The following SMAP1 variants were observed in gnomAD, a reference collection of about 807,000 sequenced individuals.
The protein encoded by SMAP1 is small ArfGAP 1, also known as stromal membrane-associated protein 1.
A neutral mutation model predicts 58.5 loss-of-function variants in SMAP1; 24 were observed. That is an observed-to-expected ratio of 0.41 (90% confidence interval 0.30 to 0.58). The LOEUF (loss-of-function observed/expected upper bound fraction) is 0.58, where lower values mean the gene tolerates loss of function less well. SMAP1 is among the 20% of genes least tolerant of loss of function. SMAP1 has a pLI of 0.29. For missense variants in SMAP1, 563 were observed against 566.3 expected (o/e 0.99, Z 0.06); for synonymous variants, 216 against 196.6 (o/e 1.10, Z -0.82).
chr6:70,849,655 A>G (rs1201316369), intron 7 of SMAP1, among the ~76,000 whole-genome samples: 1 of 152,170 alleles, frequency 6.6e-6, no homozygotes, highest in Non-Finnish European at 1.5e-5. Flanking sequence ...CAAATCCCCT[A>G]CCTACACATA....
chr6:70,800,665 C>A (rs1768802559), intron 6 of SMAP1, among the ~76,000 whole-genome samples: 1 of 151,496 alleles, frequency 6.6e-6, no homozygotes, highest in Non-Finnish European at 1.5e-5. Flanking sequence ...GTCCCTCCCC[C>A]AGCCCCCCAC....
chr6:70,822,550 A>C (rs1320712063), intron 6 of SMAP1, among the ~76,000 whole-genome samples: 1 of 152,176 alleles, frequency 6.6e-6, no homozygotes, highest in Non-Finnish European at 1.5e-5. Context: ...GGAAAGAAGC[A>C]AGAAAAGGTA....
At chr6:70,854,453 C>G (rs1228140365) in intron 8 of SMAP1, among the ~76,000 whole-genome samples, 2 of 152,096 alleles carry the variant, frequency 1.3e-5, no homozygotes, top group Non-Finnish European at 2.9e-5. Context: ...GAAACCCCAT[C>G]TCTCCTTAAA....
intron 2 of SMAP1, among the ~76,000 whole-genome samples, chr6:70,733,794 G>C (rs1765517513): frequency 1.3e-5 from 2 of 152,124 alleles, no homozygotes. Context: ...CTTTTTTAAT[G>C]GCTTATTTCA....
At chr6:70,837,064 A>C in intron 7 of SMAP1, 36 bp downstream of exon 7, 2 of 1,456,914 alleles carry the variant, frequency 1.4e-6, no homozygotes, top group Non-Finnish European at 1.8e-6. Context: ...TGCTGGAGTT[A>C]CAAAACAATT....
chr6:70,852,723 C>T, intron 8 of SMAP1, 59 bp downstream of exon 8: 1 of 1,438,614 alleles, frequency 7.0e-7, no homozygotes, highest in Non-Finnish European at 9.2e-7. Flanking sequence ...TGAAAAGTTT[C>T]AAAATTTCAA....
chr6:70,794,883 G>C (rs1768535282), intron 5 of SMAP1, among the ~76,000 whole-genome samples: 1 of 151,256 alleles, frequency 6.6e-6, no homozygotes, highest in Non-Finnish European at 1.5e-5. Flanking sequence ...CTGCCTCCCG[G>C]GTTCACGCCA....
Position 70,692,383 on chromosome 6 carries a change from G to A in SMAP1, c.118+24242G>A, listed in dbSNP as rs543742565. On this transcript the variant is annotated intron_variant, in intron 1 of 10. Transcript: ENST00000370455. The stretch of plus-strand genomic sequence containing the variant: ...TGTAAATATCTTATCTTATTTTGTG[G>A]GTTGTCTCTTCACTTTGTTGTTTCC... Among the ~76,000 whole-genome samples the A allele has an allele frequency of 7.9e-5, 12 of 152,040 alleles. No individual in the cohort carries two copies. The South Asian group carries it at 2.3e-3, about 29-fold the overall frequency.
At chr6:70,808,706 G>A (rs111902037) in intron 6 of SMAP1, among the ~76,000 whole-genome samples, 2,613 of 152,240 alleles carry the variant, frequency 0.017, 73 homozygotes, top group African/African-American at 0.059. Flanking sequence ...TCATCTAACA[G>A]TATCCTTAAA....
Position 70,860,333 on chromosome 6 carries a change from G to GA in SMAP1, c.*3dup, listed in dbSNP as rs751371401. The GA allele has an allele frequency of 1.2e-6, 2 of 1,604,604 alleles. No homozygotes were observed. The highest frequency in any genetic ancestry group is 1.7e-5 in the Admixed American group (1 of 57,434). ...ACTCTCAGCACACAACTGTGGAAAT[G>GA]AAAACTGCAATACAAGTTTCATCCA... is the stretch of plus-strand genomic sequence containing the variant. ...GQTLSTQLWK[*] is the part of the protein sequence containing the mutation. The change falls in exon 11 of 11, where the codon TGA becomes TGAA. Residue 468 remains the stop codon, a frameshift_variant and stop_retained_variant. Transcript: ENST00000370455. LOFTEE classifies it high-confidence loss of function.
At chr6:70,682,625 G>T (rs1406575872) in intron 1 of SMAP1, among the ~76,000 whole-genome samples, 2 of 152,014 alleles carry the variant, frequency 1.3e-5, no homozygotes, top group Non-Finnish European at 2.9e-5. Flanking sequence ...CTTTGTGTGC[G>T]CACTTTTTTT....
chr6:70,758,153 A>C (rs1205977241), intron 3 of SMAP1, among the ~76,000 whole-genome samples: 2 of 150,598 alleles, frequency 1.3e-5, no homozygotes, highest in African/African-American at 4.9e-5. Flanking sequence ...GGATTAAGAA[A>C]ATGTGGCACA....
Position 70,861,080 on chromosome 6 carries a change from T to G in SMAP1, c.*746T>G, listed in dbSNP as rs1771703187. 1 of 192,258 alleles carries G rather than the reference T, an allele frequency of 5.2e-6. No individual in the cohort carries two copies. The highest frequency in any genetic ancestry group is 2.3e-5 in the African/African-American group (1 of 43,262). The allele number at this position is 192,258 out of a possible 1,614,324, so 11.9% of individuals were successfully genotyped here. On this transcript the variant is annotated 3_prime_UTR_variant, in exon 11 of 11. Transcript: ENST00000370455. ...AATCTTCAATCCTTGAAGGTATATC[T>G]AGGTTTATGACAGTAATTGTGTTTA...
In SMAP1 at chr6:70,768,704, C is replaced by G. The variant is rs889070501; in HGVS notation, c.339-4646C>G. ...TGTTGATCTTTTCAAAAAACCAGCT[C>G]CTGGATTCATTGATTTTTTGAAGGG... is the stretch of plus-strand genomic sequence containing the variant. On this transcript the variant is annotated intron_variant, in intron 3 of 10. Coordinates refer to ENST00000370455, the MANE Select transcript of SMAP1 (RefSeq NM_001044305.3). Among the ~76,000 whole-genome samples the G allele has an allele frequency of 3.3e-5, 5 of 151,798 alleles. No individual in the cohort carries two copies. In the South Asian group the frequency reaches 6.2e-4, roughly 19 times the overall value.
chr6:70,702,902 G>T (rs1767692790), intron 1 of SMAP1, among the ~76,000 whole-genome samples: 1 of 152,038 alleles, frequency 6.6e-6, no homozygotes, highest in Admixed American at 6.5e-5. Context: ...AAAGTGCTGG[G>T]ATTACAGGCA....
chr6:70,765,740 T>C (rs562207432), intron 3 of SMAP1, among the ~76,000 whole-genome samples: 1 of 152,106 alleles, frequency 6.6e-6, no homozygotes, highest in Admixed American at 6.5e-5. Context: ...ATTTTTTATT[T>C]ATTTTTATTT....
intron 1 of SMAP1, among the ~76,000 whole-genome samples, chr6:70,676,071 A>T (rs1562086096): frequency 6.6e-6 from 1 of 152,022 alleles, no homozygotes. Flanking sequence ...CTGCTGGGAG[A>T]ATTAAGTGTG....
At chr6:70,747,185 G>T (rs969519621) in intron 2 of SMAP1, among the ~76,000 whole-genome samples, 3 of 152,176 alleles carry the variant, frequency 2.0e-5, no homozygotes, top group Non-Finnish European at 4.4e-5. Flanking sequence ...AGTACTTGAA[G>T]AAAGTGGCTT....
At chr6:70,772,154 A>G (rs1361829302) in intron 3 of SMAP1, among the ~76,000 whole-genome samples, 3 of 152,202 alleles carry the variant, frequency 2.0e-5, no homozygotes, top group African/African-American at 7.2e-5. Flanking sequence ...GTAGGGGAAA[A>G]TTTGGAAAGT....
Sources: gnomAD v4.1 joint callset for allele counts (sites outside exome capture counted in the v4.1 genomes callset) on GRCh38, gnomAD v4.1.1 for gene constraint, MANE v1.5 for transcripts, NCBI Gene and HGNC (gene_info 2026-07-23, HGNC 2026-07-21) for gene names.